The following GAS7 variants were observed in gnomAD, a reference collection of about 807,000 sequenced individuals.
GAS7 encodes the protein growth arrest-specific protein 7.
GAS7 carries 28 observed loss-of-function variants against 71.1 expected under a neutral mutation model. That is an observed-to-expected ratio of 0.39 (90% CI 0.29 to 0.54). GAS7 has a LOEUF of 0.54. GAS7 is among the 20% of genes least tolerant of loss of function. GAS7 has a pLI of 0.62. For missense variants in GAS7, 436 were observed against 627.8 expected (o/e 0.69, Z 3.27); for synonymous variants, 258 against 245.8 (o/e 1.05, Z -0.46).
At chr17:10,038,003 G>A (rs1271581491) in intron 1 of GAS7, among the ~76,000 whole-genome samples, 5 of 151,950 alleles carry the variant, frequency 3.3e-5, no homozygotes, top group African/African-American at 4.8e-5. Flanking sequence ...TGAGGGAAAT[G>A]CAAATCAAAA....
At chr17:9,989,961 G>A (rs544845287) in intron 2 of GAS7, among the ~76,000 whole-genome samples, 2 of 152,254 alleles carry the variant, frequency 1.3e-5, no homozygotes, top group East Asian at 1.9e-4. Flanking sequence ...TGGGGCTGGA[G>A]GAGCTACTTG....
chr17:10,085,213 T>C (rs909464684), intron 1 of GAS7, among the ~76,000 whole-genome samples: 7 of 152,252 alleles, frequency 4.6e-5, no homozygotes, highest in African/African-American at 1.4e-4. Flanking sequence ...CTAATATTTA[T>C]AATCAAAGAA....
chr17:10,023,511 A>C lies in GAS7; in HGVS notation c.184-3614T>G, dbSNP rs1056252740. 5.9e-5 allele frequency among the ~76,000 whole-genome samples: 9 copies of C among 152,384 alleles called. No homozygotes were observed. The East Asian group carries it at 1.7e-3, about 29-fold the overall frequency. ...TGGAATATTATTCAGAAATTAAAAAAAAAAATGGAGCCGTGATACATGCTA... is the reference window on the plus strand; with the variant it reads ...TGGAATATTATTCAGAAATTAAAAACAAAAATGGAGCCGTGATACATGCTA... On this transcript the variant is annotated intron_variant, in intron 1 of 13. Transcript: ENST00000432992.
chr17:10,085,524 A>C (rs147887813), intron 1 of GAS7, among the ~76,000 whole-genome samples: 1,741 of 152,090 alleles, frequency 0.011, 15 homozygotes, highest in South Asian at 0.018. Flanking sequence ...TCTACTAAAA[A>C]TACCAAAAAA....
At chr17:10,184,921 A>C (rs1001579239) in intron 1 of GAS7, among the ~76,000 whole-genome samples, 10 of 123,456 alleles carry the variant, frequency 8.1e-5, no homozygotes, top group Admixed American at 4.0e-4. Context: ...GCTCTATAAA[A>C]ACTCTTTTTT....
chr17:10,123,171 T>C (rs1190039778), intron 1 of GAS7, among the ~76,000 whole-genome samples: 2 of 152,174 alleles, frequency 1.3e-5, no homozygotes, highest in African/African-American at 4.8e-5. Context: ...GTGGTGGGCC[T>C]CAAGACTCAC....
intron 2 of GAS7, among the ~76,000 whole-genome samples, chr17:9,996,565 T>C (rs1221792547): frequency 7.6e-6 from 1 of 132,202 alleles, no homozygotes; most frequent in Non-Finnish European, 1.7e-5. Flanking sequence ...AAAGTATAAT[T>C]TAAAAAAAAA....
intron 1 of GAS7, among the ~76,000 whole-genome samples, chr17:10,118,686 A>G (rs757206486): frequency 3.0e-5 from 4 of 132,800 alleles, no homozygotes; most frequent in Non-Finnish European, 6.2e-5. Flanking sequence ...CCTGGGGGAC[A>G]GAGTGAGACT....
intron 1 of GAS7, among the ~76,000 whole-genome samples, chr17:10,120,332 T>A (rs2073894492): frequency 6.6e-6 from 1 of 152,196 alleles, no homozygotes; most frequent in African/African-American, 2.4e-5. Context: ...AGCCAGAGTG[T>A]TAGCTGTGGA....
At chr17:9,956,657 G>A (rs1324968174) in intron 5 of GAS7, among the ~76,000 whole-genome samples, 4 of 152,148 alleles carry the variant, frequency 2.6e-5, no homozygotes, top group African/African-American at 9.7e-5. Flanking sequence ...GGGGGCCCAT[G>A]TGTCTGTCCC....
Position 9,987,813 on chromosome 17 carries a change from T to G in GAS7, c.305-5929A>C, listed in dbSNP as rs148033296. Reference sequence around the variant, plus strand: ...AGTCACTTCCGGGCTTCATTTCCCCTTGTTAAGGCTGCATCCTGCCTGCAT... The same window carrying G: ...AGTCACTTCCGGGCTTCATTTCCCCGTGTTAAGGCTGCATCCTGCCTGCAT... On this transcript the variant is annotated intron_variant, in intron 2 of 13. Transcript: ENST00000432992. Among the ~76,000 whole-genome samples the G allele has an allele frequency of 7.8e-3, 1,181 of 152,344 alleles. 16 individuals are homozygous for G. Among genetic ancestry groups the G allele is most frequent in the African/African-American group, 0.027 (1,132 of 41,582 alleles).
chr17:10,097,103 C>T (rs1426805958), intron 1 of GAS7, among the ~76,000 whole-genome samples: 1 of 152,254 alleles, frequency 6.6e-6, no homozygotes, highest in Non-Finnish European at 1.5e-5. Flanking sequence ...ATCTCTGGCG[C>T]TGGGCTGCCT....
intron 1 of GAS7, among the ~76,000 whole-genome samples, chr17:10,177,009 T>C (rs762731819): frequency 2.6e-5 from 4 of 151,616 alleles, no homozygotes; most frequent in Non-Finnish European, 5.9e-5. Flanking sequence ...CAGACCAGAG[T>C]AGTTACAAAA....
At position 9,959,317 on chromosome 17, in the gene GAS7, C is replaced by T. The variant is rs972587653; in HGVS notation, c.472-62G>A. 2 of 1,610,576 alleles carry T rather than the reference C, an allele frequency of 1.2e-6. No homozygotes were observed. The highest frequency in any genetic ancestry group is 1.7e-6 in the Non-Finnish European group (2 of 1,178,344). On this transcript the variant is annotated intron_variant, in intron 4 of 13. Coordinates refer to ENST00000432992, the MANE Select transcript of GAS7 (RefSeq NM_201433.2). The surrounding 1 kb of genome is among the most constrained non-coding windows in gnomAD (Gnocchi z 5.0). ...CTCCATATTGGACATTTTTTCCCCC[C>T]ATTCAGGTTCCCTGAGGGTGGAGGC...
intron 1 of GAS7, among the ~76,000 whole-genome samples, chr17:10,163,691 A>C (rs940724580): frequency 1.3e-5 from 2 of 152,066 alleles, no homozygotes; most frequent in Non-Finnish European, 2.9e-5. Context: ...TCTTGGTTCC[A>C]ATCCATCCTT....
At position 10,163,304 on chromosome 17, in the gene GAS7, G is replaced by T. The variant is rs564282730; in HGVS notation, c.183+34904C>A. On this transcript the variant is annotated intron_variant, in intron 1 of 13. Coordinates refer to ENST00000432992, the MANE Select transcript of GAS7 (RefSeq NM_201433.2). ...TTTGTATTTTTTTAGTAGAGACGGG[G>T]TGCGGGGGAGTGGTTTCACCATGTT... is the stretch of plus-strand genomic sequence containing the variant. Among the ~76,000 whole-genome samples, 352 of 152,042 alleles carry T rather than the reference G, an allele frequency of 2.3e-3. 2 individuals carry two copies. The highest frequency in any genetic ancestry group is 8.1e-3 in the African/African-American group (334 of 41,474).
chr17:10,012,580 C>A (rs1396077428), intron 2 of GAS7, among the ~76,000 whole-genome samples: 12 of 152,184 alleles, frequency 7.9e-5, no homozygotes, highest in Non-Finnish European at 1.6e-4. Context: ...AGCCACCACA[C>A]CCAGCCGACC....
At chr17:9,944,637 G>A (rs1403034231) in intron 6 of GAS7, among the ~76,000 whole-genome samples, 1 of 152,140 alleles carries the variant, frequency 6.6e-6, no homozygotes, top group Non-Finnish European at 1.5e-5. Flanking sequence ...CCCCTCCCTC[G>A]GGTGCCATAA....
intron 1 of GAS7, among the ~76,000 whole-genome samples, chr17:10,066,495 T>G (rs1332538041): frequency 1.3e-5 from 2 of 152,086 alleles, no homozygotes; most frequent in African/African-American, 2.4e-5. Context: ...AGACTACTTT[T>G]TTTTGTTTTG....
Sources: gnomAD v4.1 joint callset for allele counts (sites outside exome capture counted in the v4.1 genomes callset) on GRCh38, gnomAD v4.1.1 for gene constraint, Gnocchi (gnomAD v3.1) non-coding constraint, MANE v1.5 for transcripts, NCBI Gene and HGNC (gene_info 2026-07-23, HGNC 2026-07-21) for gene names.